Variants in CTNNA3 observed in about 807,000 individuals in gnomAD.
The protein encoded by CTNNA3 is catenin alpha-3.
In CTNNA3, 76 loss-of-function variants were observed where a neutral mutation model predicts 95.7. The observed-to-expected ratio is 0.79, with a 90% CI of 0.66 to 0.96. CTNNA3 has a LOEUF of 0.96. Among genes scored for constraint, CTNNA3 ranks in the 40% least tolerant of loss-of-function variants. CTNNA3 has a pLI of 0.00. For missense variants in CTNNA3, 1,191 were observed against 1,089.8 expected (o/e 1.09, Z -1.31); for synonymous variants, 431 against 374.4 (o/e 1.15, Z -1.74).
chr10:67,625,575 T>C (rs1838923855), intron 2 of CTNNA3, among the ~76,000 whole-genome samples: 2 of 152,220 alleles, frequency 1.3e-5, no homozygotes, highest in African/African-American at 4.8e-5. Context: ...AAAAGAAAAC[T>C]TTTTAGAGAG....
chr10:67,557,423 A>G (rs1841298671), intron 3 of CTNNA3, among the ~76,000 whole-genome samples: 1 of 152,178 alleles, frequency 6.6e-6, no homozygotes, highest in African/African-American at 2.4e-5. Context: ...TTCTATCTCT[A>G]TGCTCACTAA....
chr10:67,507,769 G>A (rs1839475047), intron 5 of CTNNA3, among the ~76,000 whole-genome samples: 1 of 151,956 alleles, frequency 6.6e-6, no homozygotes, highest in East Asian at 1.9e-4. Flanking sequence ...GAGGCTACAA[G>A]AAAAGAAAAT....
At chr10:66,502,633 A>G (rs114386304) in intron 11 of CTNNA3, among the ~76,000 whole-genome samples, 1,582 of 152,198 alleles carry the variant, frequency 0.01, 29 homozygotes, top group African/African-American at 0.037. Context: ...ACTCAATATT[A>G]CTTTGAAAAT....
intron 14 of CTNNA3, among the ~76,000 whole-genome samples, chr10:66,095,241 A>T (rs533737855): frequency 5.9e-5 from 9 of 152,260 alleles, no homozygotes; most frequent in African/African-American, 2.2e-4. Flanking sequence ...GAACTCTAAT[A>T]AACCCTAATG....
intron 2 of CTNNA3, among the ~76,000 whole-genome samples, chr10:67,630,068 A>T (rs1373716192): frequency 6.6e-6 from 1 of 152,152 alleles, no homozygotes; most frequent in Non-Finnish European, 1.5e-5. Context: ...TTGCCAACCT[A>T]TAACTGAGTG....
At chr10:66,574,593 CA>C (rs1268151915) in intron 10 of CTNNA3, among the ~76,000 whole-genome samples, 4 of 151,990 alleles carry the variant, frequency 2.6e-5, no homozygotes, top group Non-Finnish European at 5.9e-5. Context: ...GAAAAGAAAA[CA>C]TATTGAAAAG....
At position 65,917,694 on chromosome 10, in the gene CTNNA3, A is replaced by G. The variant is rs550327131; in HGVS notation, c.*2636T>C. On this transcript the variant is annotated 3_prime_UTR_variant, in exon 18 of 18. Transcript: ENST00000433211. ...AGGAAGCACTAATCTCTGTGATGAG[A>G]CATCAAAAGGTACATAGGTGGATCA... The G allele has an allele frequency of 3.5e-4, 54 of 152,308 alleles. No homozygotes were observed. The highest frequency in any genetic ancestry group is 1.2e-3 in the African/African-American group (51 of 41,568). The allele number at this position is 152,308 out of a possible 1,614,324, so 9.4% of individuals were successfully genotyped here. A position where few individuals can be genotyped will look rare whatever the true frequency, so the allele number is the denominator to read the frequency against.
In CTNNA3 at chr10:66,414,537, A is replaced by C. The variant is rs76939431; in HGVS notation, c.1532-35185T>G. Among the ~76,000 whole-genome samples the C allele has an allele frequency of 7.3e-3, 1,106 of 152,230 alleles. 12 individuals are homozygous for C. The highest frequency in any genetic ancestry group is 0.025 in the African/African-American group (1,048 of 41,528). The stretch of plus-strand genomic sequence containing the variant: ...CTCAGGCCATGAAACTAACATAGGG[A>C]GTTGCAAGAAGATTGTATTATGGCA... On this transcript the variant is annotated intron_variant, in intron 11 of 17. Transcript: ENST00000433211.
chr10:66,299,670 T>G (rs530189543), intron 12 of CTNNA3, among the ~76,000 whole-genome samples: 2 of 152,242 alleles, frequency 1.3e-5, no homozygotes, highest in South Asian at 4.1e-4. Flanking sequence ...TTGGGATATG[T>G]AAACTGGAAG....
rs573990313 is a variant in CTNNA3 at position 65,921,592 on chromosome 10, G to A, written c.2401-975C>T. Reference sequence around the variant, plus strand: ...TTACATGAGGATTCTAAGCCTACGTGAACCTCACTTCCACTGGTGTGGATC... The same window carrying A: ...TTACATGAGGATTCTAAGCCTACGTAAACCTCACTTCCACTGGTGTGGATC... On this transcript the variant is annotated intron_variant, in intron 17 of 17. Coordinates refer to ENST00000433211, the MANE Select transcript of CTNNA3 (RefSeq NM_013266.4). Among the ~76,000 whole-genome samples, 55 of 152,318 alleles carry A rather than the reference G, an allele frequency of 3.6e-4. 1 individual carries two copies. The highest frequency in any genetic ancestry group is 1.3e-3 in the African/African-American group (54 of 41,576).
chr10:66,084,756 A>T lies in CTNNA3; in HGVS notation c.1978-15267T>A, dbSNP rs191693842. The stretch of plus-strand genomic sequence containing the variant: ...AGAGGTGGGACACAATAATCAAAAA[A>T]TAAAATTGTTCGGGTCAATTTGTAA... On this transcript the variant is annotated intron_variant, in intron 14 of 17. Coordinates refer to ENST00000433211, the MANE Select transcript of CTNNA3 (RefSeq NM_013266.4). 2.7e-3 allele frequency: 412 copies of T among 152,342 alleles called. 6 individuals are homozygous for T. The highest frequency in any genetic ancestry group is 9.6e-3 in the African/African-American group (400 of 41,588). 9.4% of individuals were successfully genotyped at this position (152,342 alleles called of 1,614,324 possible). A position where few individuals can be genotyped will look rare whatever the true frequency, so the allele number is the denominator to read the frequency against.
At chr10:67,200,436 G>A (rs1272327375) in intron 6 of CTNNA3, among the ~76,000 whole-genome samples, 3 of 152,074 alleles carry the variant, frequency 2.0e-5, no homozygotes, top group Non-Finnish European at 4.4e-5. Context: ...AATTCCTATA[G>A]AACCAAGATT....
chr10:66,036,415 C>T (rs1993848), intron 15 of CTNNA3, among the ~76,000 whole-genome samples: 38,325 of 151,950 alleles, frequency 0.25, 4,954 homozygotes, highest in South Asian at 0.32. Context: ...CTCTTGTTGC[C>T]CAGGCTGGAG....
At chr10:66,177,002 G>C (rs1434720948) in intron 13 of CTNNA3, among the ~76,000 whole-genome samples, 2 of 152,008 alleles carry the variant, frequency 1.3e-5, no homozygotes, top group Non-Finnish European at 2.9e-5. Flanking sequence ...CTTGAACTTA[G>C]AGAACTAAGC....
At chr10:66,854,907 C>T (rs10997416) in intron 7 of CTNNA3, among the ~76,000 whole-genome samples, 70,195 of 151,512 alleles carry the variant, frequency 0.46, 16,989 homozygotes, top group Non-Finnish European at 0.53. Context: ...CTGAGTATAC[C>T]AGAGTACTTT....
At chr10:66,218,257 C>T (rs1024321969) in intron 13 of CTNNA3, among the ~76,000 whole-genome samples, 6 of 152,134 alleles carry the variant, frequency 3.9e-5, no homozygotes, top group African/African-American at 1.4e-4. Context: ...CCCAATGATC[C>T]CTGCCTCCTC....
intron 5 of CTNNA3, among the ~76,000 whole-genome samples, chr10:67,244,404 T>C (rs1194779555): frequency 1.3e-5 from 2 of 152,186 alleles, no homozygotes; most frequent in Non-Finnish European, 2.9e-5. Flanking sequence ...AAAGTTAAAT[T>C]AGTGCTCCCT....
intron 2 of CTNNA3, among the ~76,000 whole-genome samples, chr10:67,619,279 A>G (rs933917077): frequency 1.3e-5 from 2 of 152,238 alleles, no homozygotes; most frequent in Non-Finnish European, 2.9e-5. Flanking sequence ...ATGTAAAGCA[A>G]TGGAATAGAA....
intron 5 of CTNNA3, among the ~76,000 whole-genome samples, chr10:67,233,869 G>A (rs1377786822): frequency 1.3e-5 from 2 of 152,176 alleles, no homozygotes; most frequent in Non-Finnish European, 2.9e-5. Context: ...TACCATCAGA[G>A]AATACTACAA....
Sources: allele counts gnomAD v4.1 joint callset (sites outside exome capture counted in the v4.1 genomes callset), GRCh38; gene constraint gnomAD v4.1.1; transcripts MANE v1.5; gene names NCBI Gene and HGNC (gene_info 2026-07-23, HGNC 2026-07-21).